TUSC3: variants seen among roughly 807,000 people sequenced by gnomAD.
The protein encoded by TUSC3 is dolichyl-diphosphooligosaccharide--protein glycosyltransferase subunit TUSC3.
A neutral mutation model predicts 44.8 loss-of-function variants in TUSC3; 45 were observed. The observed-to-expected ratio is 1.00, with a 90% CI of 0.79 to 1.29. The LOEUF (loss-of-function observed/expected upper bound fraction) is 1.29, where lower values mean the gene tolerates loss of function less well. TUSC3 is among the 50% of genes most tolerant of loss of function. The pLI is 0.00. For synonymous variants in TUSC3, 212 were observed against 152.9 expected, an observed-to-expected ratio of 1.39 and a Z score of -2.85; for missense variants, 519 against 437.9, an observed-to-expected ratio of 1.19 and a Z score of -1.65.
the TUSC3 span, among the ~76,000 whole-genome samples, chr8:15,800,776 A>C: frequency 4.5e-3 from 683 of 152,156 alleles, 4 homozygotes; most frequent in Non-Finnish European, 7.6e-3. Context: ...CTATAGTAAC[A>C]CCCTTTTTCA....
At chr8:15,450,360 G>T (rs1455958660) in intron 1 of TUSC3, among the ~76,000 whole-genome samples, 1 of 151,854 alleles carries the variant, frequency 6.6e-6, no homozygotes, top group Non-Finnish European at 1.5e-5. Flanking sequence ...GAGTTTTTAG[G>T]GCTGACTTTT....
At chr8:15,651,220 T>C (rs1806889799) in intron 3 of TUSC3, among the ~76,000 whole-genome samples, 1 of 152,214 alleles carries the variant, frequency 6.6e-6, no homozygotes, top group African/African-American at 2.4e-5. Context: ...TGCATTGGTC[T>C]TATTCTGGCA....
intron 1 of TUSC3, among the ~76,000 whole-genome samples, chr8:15,433,589 C>G (rs1030105884): frequency 6.6e-6 from 1 of 151,976 alleles, no homozygotes; most frequent in Non-Finnish European, 1.5e-5. Flanking sequence ...CATACACACA[C>G]CACCACCGCC....
At chr8:15,762,283 C>T (rs1436748411) in intron 10 of TUSC3, among the ~76,000 whole-genome samples, 1 of 151,576 alleles carries the variant, frequency 6.6e-6, no homozygotes, top group Non-Finnish European at 1.5e-5. Flanking sequence ...AATTGTCCTA[C>T]AATAAAGGAT....
At chr8:15,513,195 G>C (rs1179237049) in intron 2 of TUSC3, among the ~76,000 whole-genome samples, 1 of 151,504 alleles carries the variant, frequency 6.6e-6, no homozygotes, top group African/African-American at 2.4e-5. Context: ...TAAAACATAA[G>C]ATTAAGGCTA....
intron 6 of TUSC3, among the ~76,000 whole-genome samples, chr8:15,676,735 A>G (rs568034572): frequency 3.3e-5 from 5 of 152,312 alleles, no homozygotes; most frequent in East Asian, 3.9e-4. Context: ...CCTATACCCA[A>G]TTAAGAAAAT....
At chr8:15,686,439 C>T (rs758286215) in intron 6 of TUSC3, among the ~76,000 whole-genome samples, 1 of 151,970 alleles carries the variant, frequency 6.6e-6, no homozygotes, top group Non-Finnish European at 1.5e-5. Flanking sequence ...ACATGCAGAA[C>T]ATTTTATTGC....
chr8:15,678,956 A>G (rs1401800563), intron 6 of TUSC3, among the ~76,000 whole-genome samples: 1 of 152,194 alleles, frequency 6.6e-6, no homozygotes, highest in Non-Finnish European at 1.5e-5. Context: ...ATTGTGCTGC[A>G]TAGTATTCCT....
At chr8:15,704,326 G>A (rs1039852180) in intron 6 of TUSC3, among the ~76,000 whole-genome samples, 3 of 150,950 alleles carry the variant, frequency 2.0e-5, no homozygotes, top group Admixed American at 6.6e-5. Context: ...GAAGAGAGTG[G>A]TAGATATGAT....
intron 2 of TUSC3, among the ~76,000 whole-genome samples, chr8:15,628,840 C>G (rs892588306): frequency 5.3e-5 from 8 of 152,128 alleles, no homozygotes; most frequent in African/African-American, 1.9e-4. Context: ...TGGAATGGTC[C>G]TGTTTTCTTC....
At chr8:15,516,371 C>T (rs1018977251) in intron 2 of TUSC3, among the ~76,000 whole-genome samples, 1 of 152,140 alleles carries the variant, frequency 6.6e-6, no homozygotes, top group Non-Finnish European at 1.5e-5. Flanking sequence ...TAGCTGACTT[C>T]TTGCAGACCA....
chr8:15,831,094 T>C, the TUSC3 span, among the ~76,000 whole-genome samples: 1 of 152,068 alleles, frequency 6.6e-6, no homozygotes, highest in Non-Finnish European at 1.5e-5. Flanking sequence ...ACCCAGCACA[T>C]TGTATTCCTA....
chr8:15,660,896 A>G (rs922981533), intron 4 of TUSC3, among the ~76,000 whole-genome samples: 5 of 121,046 alleles, frequency 4.1e-5, no homozygotes, highest in African/African-American at 9.4e-5. Context: ...TAGTCGATAA[A>G]CTTTTGTTAA....
rs1804642190 is a variant in TUSC3 at position 15,608,804 on chromosome 8, A to C, written c.139-14276A>C. On this transcript the variant is annotated intron_variant, in intron 1 of 10. Transcript: ENST00000503731. ...CTCCAGCCATGCGTAACTGTCAGTC[A>C]ATTAAACCTCTTTCCTTTATAAATT... is the stretch of plus-strand genomic sequence containing the variant. 2.0e-5 allele frequency among the ~76,000 whole-genome samples: 3 copies of C among 152,200 alleles called. No homozygotes were observed. The South Asian group carries it at 6.2e-4, about 31-fold the overall frequency.
At chr8:15,799,187 T>G in the TUSC3 span, among the ~76,000 whole-genome samples, 6,326 of 152,182 alleles carry the variant, frequency 0.042, 155 homozygotes, top group South Asian at 0.069. Flanking sequence ...ACAATTAGCC[T>G]GATGGACTGC....
At chr8:15,675,117 T>C (rs1232445438) in intron 6 of TUSC3, among the ~76,000 whole-genome samples, 1 of 152,122 alleles carries the variant, frequency 6.6e-6, no homozygotes, top group Non-Finnish European at 1.5e-5. Flanking sequence ...GCCATGACCC[T>C]AGTAATAGAT....
chr8:15,666,862 G>A (rs1807685958), intron 5 of TUSC3, among the ~76,000 whole-genome samples: 1 of 151,260 alleles, frequency 6.6e-6, no homozygotes, highest in Admixed American at 6.6e-5. Context: ...AGCCATTTGT[G>A]TAAAGAGTTA....
At chr8:15,572,560 G>C (rs556936711) in intron 1 of TUSC3, among the ~76,000 whole-genome samples, 49 of 152,260 alleles carry the variant, frequency 3.2e-4, no homozygotes, top group African/African-American at 1.0e-3. Flanking sequence ...CATTGCATTT[G>C]CATTAACAAC....
chr8:15,741,306 A>C (rs1471129435), intron 7 of TUSC3, among the ~76,000 whole-genome samples: 1 of 152,190 alleles, frequency 6.6e-6, no homozygotes, highest in African/African-American at 2.4e-5. Context: ...TGATTCATTA[A>C]TCGAATTGAG....
Sources: gnomAD v4.1 joint callset for allele counts (sites outside exome capture counted in the v4.1 genomes callset) on GRCh38, gnomAD v4.1.1 for gene constraint, MANE v1.5 for transcripts, NCBI Gene and HGNC (gene_info 2026-07-23, HGNC 2026-07-21) for gene names.